The following RPL6 variants were observed in gnomAD, a reference collection of about 807,000 sequenced individuals.
RPL6 encodes the protein large ribosomal subunit protein eL6.
Under a neutral mutation model 32.1 loss-of-function variants are expected in RPL6, and 1 was observed. That is an observed-to-expected ratio of 0.03 (90% confidence interval 0.01 to 0.15). RPL6 has a LOEUF of 0.15. Ranked by LOEUF, RPL6 falls within the 10% of genes least tolerant of loss-of-function variation. RPL6 has a pLI of 1.00. For missense variants in RPL6, 275 were observed against 354.6 expected (o/e 0.78, Z 1.80); for synonymous variants, 126 against 131.6 (o/e 0.96, Z 0.29).
At chr12:112,410,992 A>G (rs142393694), upstream of RPL6, among the ~76,000 whole-genome samples, 3 of 152,314 alleles carry the variant, frequency 2.0e-5, no homozygotes, top group African/African-American at 7.2e-5. Context: ...GCAATATTGC[A>G]TACAATGTGC....
chr12:112,409,731 C>T (rs996438405), upstream of RPL6: 4 of 357,614 alleles, frequency 1.1e-5, no homozygotes, highest in African/African-American at 8.4e-5. Flanking sequence ...AAATCCTAGG[C>T]CGGGTGCGGT....
chr12:112,410,008 GAA>G (rs367708899), upstream of RPL6, among the ~76,000 whole-genome samples: 24 of 74,488 alleles, frequency 3.2e-4, no homozygotes, highest in East Asian at 2.3e-3. Context: ...TCTCAAAAAA[GAA>G]AAAAAAAAAA....
chr12:112,414,218 T>C (rs1649649216), upstream of RPL6, among the ~76,000 whole-genome samples: 1 of 152,238 alleles, frequency 6.6e-6, no homozygotes, highest in Non-Finnish European at 1.5e-5. Context: ...GTGAGGGTGT[T>C]GGCACAGGCC....
chr12:112,409,368 G>A (rs1033251673), intron 1 of RPL6: 3 of 397,276 alleles, frequency 7.6e-6, no homozygotes, highest in Admixed American at 4.4e-5. Flanking sequence ...GCCCAAGAGA[G>A]TGGCGAAGAA....
intron 1 of RPL6, 90 bp from the exon 2 acceptor site, chr12:112,408,746 G>T: frequency 8.7e-7 from 1 of 1,155,138 alleles, no homozygotes; most frequent in Non-Finnish European, 1.2e-6. Context: ...AATGGGCTGG[G>T]CTCCCCAGAC....
chr12:112,408,905 GT>G, intron 1 of RPL6: 1 of 452,516 alleles, frequency 2.2e-6, no homozygotes, highest in Non-Finnish European at 3.9e-6. Context: ...CACCTATTAG[GT>G]TTTTTGCCAA....
upstream of RPL6, among the ~76,000 whole-genome samples, chr12:112,411,983 C>A (rs2037345647): frequency 6.6e-6 from 1 of 151,546 alleles, no homozygotes; most frequent in African/African-American, 2.4e-5. Flanking sequence ...GGGTTCAAGC[C>A]ATTCTCCTGC....
At chr12:112,416,356 G>T (rs1323456155) in intron 1 of RPL6, among the ~76,000 whole-genome samples, 1 of 151,940 alleles carries the variant, frequency 6.6e-6, no homozygotes, top group African/African-American at 2.4e-5. Context: ...AGCCAGGATG[G>T]TCTCGATCTC....
intron 1 of RPL6, chr12:112,418,723 C>G (rs1278720647): frequency 2.8e-6 from 1 of 354,856 alleles, no homozygotes; most frequent in East Asian, 5.4e-5. Context: ...GCGCGCAGCT[C>G]ACACCTGGCG....
chr12:112,409,905 G>C (rs538409145), upstream of RPL6, among the ~76,000 whole-genome samples: 2 of 151,920 alleles, frequency 1.3e-5, no homozygotes, highest in Admixed American at 6.6e-5. Flanking sequence ...ACAGCCAGTC[G>C]AGGCGCGGAG....
chr12:112,406,709 C>T (rs539222588), intron 4 of RPL6, 38 bp downstream of exon 4: 1 of 1,610,122 alleles, frequency 6.2e-7, no homozygotes, highest in Admixed American at 1.7e-5. Flanking sequence ...GCACCCCAGG[C>T]AGCTGCAGTG....
chr12:112,408,353 A>T lies in RPL6; in HGVS notation c.238-15T>A. On this transcript the variant is annotated splice_polypyrimidine_tract_variant and intron_variant, in intron 2 of 6. Coordinates refer to ENST00000202773, the MANE Select transcript of RPL6 (RefSeq NM_000970.6). ...TTCTTTTCAACCTACAAGGACACAA[A>T]TGCATCAACAGTAAGAGAATGCCAA... is the stretch of plus-strand genomic sequence containing the variant. 1 of 1,613,854 alleles carries T rather than the reference A, an allele frequency of 6.2e-7. No homozygotes were observed. Among genetic ancestry groups the T allele is most frequent in the Non-Finnish European group, 8.5e-7 (1 of 1,179,744 alleles).
At chr12:112,408,831 T>C in intron 1 of RPL6, 175 bp from the exon 2 acceptor site, 1 of 613,952 alleles carries the variant, frequency 1.6e-6, no homozygotes, top group South Asian at 2.2e-5. Flanking sequence ...TCACTATGAC[T>C]CATTTGGGGT....
At chr12:112,415,558 C>T (rs748068050) in intron 1 of RPL6, among the ~76,000 whole-genome samples, 2 of 151,518 alleles carry the variant, frequency 1.3e-5, no homozygotes, top group Non-Finnish European at 2.9e-5. Context: ...ACTAAAGATA[C>T]AAAAAAAATT....
chr12:112,408,818 C>A, intron 1 of RPL6, 162 bp from the exon 2 acceptor site: 1 of 639,060 alleles, frequency 1.6e-6, no homozygotes, highest in South Asian at 2.1e-5. Context: ...TCTACTCCAA[C>A]CTTCACTATG....
intron 6 of RPL6, 77 bp downstream of exon 6, chr12:112,405,776 T>G: frequency 8.2e-7 from 1 of 1,226,794 alleles, no homozygotes; most frequent in South Asian, 1.5e-5. Context: ...TTTTTCTTCT[T>G]TTTGTGCAAC....
At chr12:112,413,851 C>T (rs2037369050), upstream of RPL6, among the ~76,000 whole-genome samples, 1 of 148,922 alleles carries the variant, frequency 6.7e-6, no homozygotes, top group African/African-American at 2.5e-5. Flanking sequence ...CATGGCAAAA[C>T]CCTGTCTGTA....
upstream of RPL6, among the ~76,000 whole-genome samples, chr12:112,410,098 A>G (rs892218241): frequency 6.6e-6 from 1 of 152,076 alleles, no homozygotes; most frequent in Non-Finnish European, 1.5e-5. Context: ...ACCGCACTCC[A>G]GCCTGGGAAA....
In RPL6 at chr12:112,406,052, T is replaced by C; in HGVS notation, c.530-15A>G. 1 of 1,591,498 alleles carries C rather than the reference T, an allele frequency of 6.3e-7. No individual in the cohort carries two copies. The highest frequency in any genetic ancestry group is 8.6e-7 in the Non-Finnish European group (1 of 1,167,910). On this transcript the variant is annotated splice_polypyrimidine_tract_variant and intron_variant, in intron 5 of 6. Coordinates refer to ENST00000202773, the MANE Select transcript of RPL6 (RefSeq NM_000970.6). Reference sequence around the variant, plus strand: ...GACCAGAGGTCCTAAGGGGGAAAAATTAATTTAGCAAGGAAAAGGGGGAAG... The same window carrying C: ...GACCAGAGGTCCTAAGGGGGAAAAACTAATTTAGCAAGGAAAAGGGGGAAG...
Sources: gnomAD v4.1 joint callset for allele counts (sites outside exome capture counted in the v4.1 genomes callset) on GRCh38, gnomAD v4.1.1 for gene constraint, MANE v1.5 for transcripts, NCBI Gene and HGNC (gene_info 2026-07-23, HGNC 2026-07-21) for gene names.